Variants in HIPK2 observed in about 807,000 individuals in gnomAD.
The protein encoded by HIPK2 is homeodomain-interacting protein kinase 2.
In HIPK2, 27 loss-of-function variants were observed where a neutral mutation model predicts 113.7. The ratio of observed to expected loss-of-function variants is 0.24; its 90% CI spans 0.17 to 0.33. The LOEUF (loss-of-function observed/expected upper bound fraction) is 0.33. Ranked by LOEUF, HIPK2 falls within the 10% of genes least tolerant of loss-of-function variation. The pLI, the probability that HIPK2 is intolerant of heterozygous loss-of-function variation, is 1.00. For missense variants in HIPK2, 1,257 were observed against 1,588.0 expected (o/e 0.79, Z 3.54); for synonymous variants, 631 against 642.2 (o/e 0.98, Z 0.26).
At position 139,574,575 on chromosome 7, in the gene HIPK2, CCT is replaced by C. The variant is rs547566367; in HGVS notation, c.3126+551_3126+552del. Among the ~76,000 whole-genome samples, 352 of 152,280 alleles carry C rather than the reference CCT, an allele frequency of 2.3e-3. 3 individuals are homozygous for C. Among genetic ancestry groups the C allele is most frequent in the African/African-American group, 8.3e-3 (343 of 41,562 alleles). ...CACTTTGTTTCTAGAGAAACAGGGC[CCT>C]GAGTCCACCACGTGAGTCAGGCCTG... On this transcript the variant is annotated intron_variant, in intron 14 of 14. Coordinates refer to ENST00000406875, the MANE Select transcript of HIPK2 (RefSeq NM_022740.5).
At chr7:139,590,009 C>T (rs1034615757) in intron 12 of HIPK2, among the ~76,000 whole-genome samples, 3 of 152,210 alleles carry the variant, frequency 2.0e-5, no homozygotes. Flanking sequence ...CCTGAACACA[C>T]TATGCAGATT....
chr7:139,573,278 A>G lies in HIPK2; in HGVS notation c.3246T>C (p.Thr1082=). ...CGGCTGCAGCCAGATGCGGGTGCAC[A>G]GTGCCGTGGCTGGGGCTGTTGTGCG... ...SFPHNSPSHG[T]VHPHLAAAAA... The change falls in exon 15 of 15, where the codon ACT becomes ACC. Residue 1082 remains threonine, a synonymous_variant. Transcript: ENST00000406875. The G allele has an allele frequency of 6.2e-7, 1 of 1,604,952 alleles. No individual in the cohort carries two copies. Among genetic ancestry groups the G allele is most frequent in the Non-Finnish European group, 8.5e-7 (1 of 1,179,766 alleles).
chr7:139,742,140 C>T (rs553151944), intron 1 of HIPK2, among the ~76,000 whole-genome samples: 3 of 152,280 alleles, frequency 2.0e-5, no homozygotes, highest in Admixed American at 1.3e-4. Context: ...TACTCAGCCA[C>T]GACATGGTTA....
At chr7:139,729,363 G>C (rs979642678) in intron 1 of HIPK2, among the ~76,000 whole-genome samples, 3 of 146,662 alleles carry the variant, frequency 2.0e-5, no homozygotes, top group Non-Finnish European at 3.1e-5. Flanking sequence ...GAGAGAGAGA[G>C]AGAGAGAGAG....
At chr7:139,721,601 T>C (rs1795410507) in intron 1 of HIPK2, among the ~76,000 whole-genome samples, 2 of 152,224 alleles carry the variant, frequency 1.3e-5, no homozygotes, top group Admixed American at 1.3e-4. Flanking sequence ...TCCCGCCTCA[T>C]TTGTCAATAT....
chr7:139,726,520 T>C, intron 1 of HIPK2, among the ~76,000 whole-genome samples: 1 of 152,302 alleles, frequency 6.6e-6, no homozygotes, highest in Non-Finnish European at 1.5e-5. Context: ...GTTTTCAACA[T>C]GTTGAATTAT....
chr7:139,626,756 G>A lies in HIPK2; in HGVS notation c.1464C>T (p.Ser488=), dbSNP rs144061745. 2.3e-5 allele frequency: 37 copies of A among 1,613,878 alleles called. No individual in the cohort carries two copies. In the East Asian group the frequency reaches 2.5e-4, roughly 11 times the overall value. The stretch of plus-strand genomic sequence containing the variant: ...GGTCAGCCTTTTCTACCAACATGTC[G>A]CTCCCTTCCAAATCTGTCGTCATGT... ...QVNMTTDLEG[S]DMLVEKADRR... The change falls in exon 6 of 15, where the codon AGC becomes AGT. Residue 488 remains serine, a synonymous_variant. Transcript: ENST00000406875.
chr7:139,585,528 G>A (rs1798805351), intron 12 of HIPK2, among the ~76,000 whole-genome samples: 1 of 152,234 alleles, frequency 6.6e-6, no homozygotes, highest in Non-Finnish European at 1.5e-5. Context: ...ACGAACCTTG[G>A]AGTCAGCTGT....
chr7:139,679,419 T>G (rs952869256), intron 2 of HIPK2, among the ~76,000 whole-genome samples: 11 of 152,210 alleles, frequency 7.2e-5, no homozygotes, highest in Non-Finnish European at 1.0e-4. Flanking sequence ...TTATAAAGAT[T>G]ATGCTAAGAA....
At chr7:139,717,881 T>C (rs1795295275) in intron 1 of HIPK2, among the ~76,000 whole-genome samples, 1 of 151,924 alleles carries the variant, frequency 6.6e-6, no homozygotes, top group East Asian at 1.9e-4. Flanking sequence ...AAGGCTGGGA[T>C]TATAGGTTCC....
At chr7:139,583,065 G>A (rs1181671682) in intron 13 of HIPK2, among the ~76,000 whole-genome samples, 4 of 152,098 alleles carry the variant, frequency 2.6e-5, no homozygotes, top group Middle Eastern at 3.2e-3. Context: ...ATGCCGCCAC[G>A]CAGGTGCAGG....
chr7:139,657,635 T>G (rs1224618446), intron 2 of HIPK2, among the ~76,000 whole-genome samples: 1 of 152,210 alleles, frequency 6.6e-6, no homozygotes, highest in East Asian at 1.9e-4. Flanking sequence ...CCTGAGGAAC[T>G]TTTTGATGCC....
intron 7 of HIPK2, among the ~76,000 whole-genome samples, chr7:139,617,219 A>G (rs1800084511): frequency 1.3e-5 from 2 of 152,224 alleles, no homozygotes; most frequent in African/African-American, 2.4e-5. Context: ...ACAGATAGTA[A>G]TAACAAGAAA....
chr7:139,618,758 C>T (rs781376810), intron 7 of HIPK2, among the ~76,000 whole-genome samples: 1 of 152,164 alleles, frequency 6.6e-6, no homozygotes, highest in African/African-American at 2.4e-5. Context: ...CTTGACATGA[C>T]GCCTGCATTG....
intron 13 of HIPK2, among the ~76,000 whole-genome samples, chr7:139,575,548 AGGAGAGGCAAGGT>A (rs958569149): frequency 6.6e-6 from 1 of 152,214 alleles, no homozygotes; most frequent in African/African-American, 2.4e-5. Flanking sequence ...GAAAAGAATC[AGGAGAGGCAAGGT>A]GGGCTGGTGG....
At position 139,633,660 on chromosome 7, in the gene HIPK2, AG is replaced by A. The variant is rs781170394; in HGVS notation, c.1104-1936del. On this transcript the variant is annotated intron_variant, in intron 2 of 14. Coordinates refer to ENST00000406875, the MANE Select transcript of HIPK2 (RefSeq NM_022740.5). The stretch of plus-strand genomic sequence containing the variant: ...GACCCTGTTTCTTAAAAAAAAAAAA[AG>A]GGGTTAGGCGCAGTGGTTCAGGCCT... Among the ~76,000 whole-genome samples, 723 of 147,902 alleles carry A rather than the reference AG, an allele frequency of 4.9e-3. 5 individuals carry two copies. The highest frequency in any genetic ancestry group is 0.014 in the Middle Eastern group (4 of 280).
intron 9 of HIPK2, among the ~76,000 whole-genome samples, chr7:139,609,802 A>G (rs377273348): frequency 5.9e-5 from 9 of 152,328 alleles, no homozygotes; most frequent in African/African-American, 1.9e-4. Flanking sequence ...ACAACACGAT[A>G]CTGGATAGGG....
chr7:139,753,706 T>C (rs12374779), intron 1 of HIPK2, among the ~76,000 whole-genome samples: 17,228 of 152,206 alleles, frequency 0.11, 1,174 homozygotes, highest in Non-Finnish European at 0.16. Flanking sequence ...CTGAAAATGA[T>C]CACTCAAGGG....
chr7:139,671,328 G>T (rs1585358905), intron 2 of HIPK2, among the ~76,000 whole-genome samples: 1 of 152,114 alleles, frequency 6.6e-6, no homozygotes, highest in Non-Finnish European at 1.5e-5. Flanking sequence ...CCAAAGACAG[G>T]TTTATAGAAA....
Sources: gnomAD v4.1 joint callset for allele counts (sites outside exome capture counted in the v4.1 genomes callset) on GRCh38, gnomAD v4.1.1 for gene constraint, MANE v1.5 for transcripts, NCBI Gene and HGNC (gene_info 2026-07-23, HGNC 2026-07-21) for gene names.